The following CTNNA2 variants were observed in gnomAD, a reference collection of about 807,000 sequenced individuals.
CTNNA2 encodes catenin alpha 2, also known as catenin alpha-2.
CTNNA2 carries 42 observed loss-of-function variants against 101.0 expected under a neutral mutation model. That is an observed-to-expected ratio of 0.42 (90% CI 0.32 to 0.54). CTNNA2 has a LOEUF of 0.54. CTNNA2 is among the 20% of genes least tolerant of loss of function. The pLI is 0.14. For missense variants in CTNNA2, 871 were observed against 1,223.1 expected, an observed-to-expected ratio of 0.71 and a Z score of 4.29; for synonymous variants, 450 against 456.4, an observed-to-expected ratio of 0.99 and a Z score of 0.18.
intron 7 of CTNNA2, among the ~76,000 whole-genome samples, chr2:80,006,291 A>C (rs1693340589): frequency 1.3e-5 from 2 of 151,796 alleles, no homozygotes; most frequent in Non-Finnish European, 2.9e-5. Context: ...AGTCATAATA[A>C]TATTTAAAAT....
chr2:79,903,619 G>T (rs1277739206), intron 6 of CTNNA2, among the ~76,000 whole-genome samples: 21 of 152,138 alleles, frequency 1.4e-4, no homozygotes, highest in Non-Finnish European at 3.1e-4. Flanking sequence ...GGAATTGCCT[G>T]TGAAGGATAA....
chr2:80,109,309 A>AC (rs939420248), intron 7 of CTNNA2, among the ~76,000 whole-genome samples: 1 of 151,748 alleles, frequency 6.6e-6, no homozygotes, highest in African/African-American at 2.4e-5. Flanking sequence ...AATACAAAAA[A>AC]CATTAGCCAG....
intron 4 of CTNNA2, among the ~76,000 whole-genome samples, chr2:79,398,107 C>T (rs566164248): frequency 3.3e-5 from 5 of 152,146 alleles, no homozygotes; most frequent in African/African-American, 9.6e-5. Context: ...AGATAATTCT[C>T]TATGATATTT....
At chr2:79,854,258 A>G (rs913956767) in intron 3 of CTNNA2, among the ~76,000 whole-genome samples, 15 of 152,386 alleles carry the variant, frequency 9.8e-5, no homozygotes, top group African/African-American at 3.4e-4. Flanking sequence ...CCAGGAGATC[A>G]CCAACTCTTC....
At chr2:79,752,723 C>T (rs773309547) in intron 3 of CTNNA2, among the ~76,000 whole-genome samples, 2 of 152,036 alleles carry the variant, frequency 1.3e-5, no homozygotes, top group Admixed American at 1.3e-4. Context: ...ATTAGAAGAT[C>T]GTCACAGAAT....
At chr2:80,075,531 CTG>C (rs1456393308) in intron 7 of CTNNA2, among the ~76,000 whole-genome samples, 26 of 140,114 alleles carry the variant, frequency 1.9e-4, no homozygotes, top group Non-Finnish European at 2.8e-4. Flanking sequence ...CAAAAAATAA[CTG>C]TTATAAAAAT....
rs990813670 is a variant in CTNNA2, at chr2:79,316,570, T to C, written c.-318+3774T>C. ...TAAGCACAGGCTTTCTTTCCACTCA[T>C]TTAAATCTTCTTTAGTATTTTCAAC... is the stretch of plus-strand genomic sequence containing the variant. On this transcript the variant is annotated intron_variant, in intron 3 of 21. Coordinates refer to the CTNNA2 transcript ENST00000466387. Among the ~76,000 whole-genome samples, 12 of 152,170 alleles carry C rather than the reference T, an allele frequency of 7.9e-5. No individual in the cohort carries two copies. The East Asian group carries it at 2.1e-3, about 27-fold the overall frequency.
At chr2:79,630,210 A>G (rs1266153067) in intron 1 of CTNNA2, among the ~76,000 whole-genome samples, 4 of 152,112 alleles carry the variant, frequency 2.6e-5, no homozygotes, top group African/African-American at 9.7e-5. Flanking sequence ...GTGCTTCCCC[A>G]AGTGGCACTG....
At chr2:80,159,084 A>C (rs192298633) in intron 7 of CTNNA2, among the ~76,000 whole-genome samples, 86 of 152,314 alleles carry the variant, frequency 5.6e-4, no homozygotes, top group Non-Finnish European at 4.1e-4. Context: ...ATTATGAGTA[A>C]AGCCACGAAA....
intron 7 of CTNNA2, among the ~76,000 whole-genome samples, chr2:80,378,938 G>A (rs1676248336): frequency 6.6e-6 from 1 of 151,394 alleles, no homozygotes; most frequent in Non-Finnish European, 1.5e-5. Context: ...TCAGGGAGAG[G>A]CAGGGTTTTA....
At chr2:79,625,852 T>C (rs1558781484) in intron 1 of CTNNA2, among the ~76,000 whole-genome samples, 1 of 152,200 alleles carries the variant, frequency 6.6e-6, no homozygotes, top group Non-Finnish European at 1.5e-5. Flanking sequence ...TTGAGAATAA[T>C]GTTTAGCTCA....
chr2:79,266,342 G>A (rs1674986283), intron 2 of CTNNA2, among the ~76,000 whole-genome samples: 1 of 152,156 alleles, frequency 6.6e-6, no homozygotes, highest in Non-Finnish European at 1.5e-5. Flanking sequence ...AGATCACTTT[G>A]AGGGACATTT....
chr2:80,602,560 A>T (rs1382606416), intron 15 of CTNNA2, among the ~76,000 whole-genome samples: 1 of 152,090 alleles, frequency 6.6e-6, no homozygotes, highest in Non-Finnish European at 1.5e-5. Flanking sequence ...AGAAGTTACA[A>T]AGAAATATGC....
intron 7 of CTNNA2, among the ~76,000 whole-genome samples, chr2:80,253,618 T>C (rs1308672161): frequency 3.3e-5 from 5 of 152,180 alleles, no homozygotes; most frequent in Admixed American, 1.3e-4. Context: ...CCCAATCTGC[T>C]CTCTTCAACC....
intron 7 of CTNNA2, among the ~76,000 whole-genome samples, chr2:80,317,263 C>T (rs1678218942): frequency 6.6e-6 from 1 of 152,166 alleles, no homozygotes; most frequent in African/African-American, 2.4e-5. Context: ...CACCAGCATC[C>T]TCATAACCTC....
chr2:79,261,042 G>T (rs1674914742), intron 2 of CTNNA2, among the ~76,000 whole-genome samples: 1 of 152,162 alleles, frequency 6.6e-6, no homozygotes, highest in South Asian at 2.1e-4. Context: ...TGAGAAAAGT[G>T]AGCAGTCAGC....
intron 7 of CTNNA2, among the ~76,000 whole-genome samples, chr2:80,208,923 G>A (rs1707709376): frequency 6.6e-6 from 1 of 152,160 alleles, no homozygotes; most frequent in South Asian, 2.1e-4. Context: ...TTTTATGGGG[G>A]AAAACTTGTG....
chr2:79,400,597 T>C (rs371061206), intron 4 of CTNNA2, among the ~76,000 whole-genome samples: 1 of 151,982 alleles, frequency 6.6e-6, no homozygotes, highest in African/African-American at 2.4e-5. Context: ...GTATCCAGTC[T>C]GAAGGTCAAA....
At chr2:79,808,807 T>C (rs1676779368) in intron 3 of CTNNA2, among the ~76,000 whole-genome samples, 1 of 151,962 alleles carries the variant, frequency 6.6e-6, no homozygotes, top group African/African-American at 2.4e-5. Flanking sequence ...TTTTTTATTA[T>C]ACTTTAAGTT....
Sources: gnomAD v4.1 joint callset for allele counts (sites outside exome capture counted in the v4.1 genomes callset) on GRCh38, gnomAD v4.1.1 for gene constraint, MANE v1.5 for transcripts, NCBI Gene and HGNC (gene_info 2026-07-23, HGNC 2026-07-21) for gene names.